Variants in CNTNAP2 observed in about 807,000 individuals in gnomAD.
The protein encoded by CNTNAP2 is contactin associated protein 2.
CNTNAP2 carries 98 observed loss-of-function variants against 155.2 expected under a neutral mutation model. The observed-to-expected ratio is 0.63, with a 90% CI of 0.54 to 0.75. CNTNAP2 has a LOEUF of 0.75. CNTNAP2 is among the 30% of genes least tolerant of loss of function. The pLI is 0.00. For synonymous variants in CNTNAP2, 651 were observed against 631.2 expected, an observed-to-expected ratio of 1.03 and a Z score of -0.47; for missense variants, 1,727 against 1,688.1, an observed-to-expected ratio of 1.02 and a Z score of -0.40.
At chr7:146,317,058 TAG>T (rs1584865873) in intron 1 of CNTNAP2, among the ~76,000 whole-genome samples, 1 of 152,232 alleles carries the variant, frequency 6.6e-6, no homozygotes, top group East Asian at 1.9e-4. Context: ...TGGTACGTCA[TAG>T]AGTTATGAAG....
intron 1 of CNTNAP2, among the ~76,000 whole-genome samples, chr7:146,234,303 T>C (rs1267058887): frequency 6.6e-6 from 1 of 152,226 alleles, no homozygotes; most frequent in Non-Finnish European, 1.5e-5. Context: ...GCCCACTTTT[T>C]GATGGGGTTG....
intron 8 of CNTNAP2, among the ~76,000 whole-genome samples, chr7:147,148,307 G>A (rs528410688): frequency 1.3e-5 from 2 of 148,612 alleles, no homozygotes; most frequent in African/African-American, 2.5e-5. Flanking sequence ...GGAGAATGGC[G>A]TGAACCCGGG....
chr7:146,593,583 A>C (rs372056888), intron 1 of CNTNAP2, among the ~76,000 whole-genome samples: 2 of 152,224 alleles, frequency 1.3e-5, no homozygotes, highest in East Asian at 1.9e-4. Context: ...AACAAAGATC[A>C]GTACTTGGAA....
intron 21 of CNTNAP2, among the ~76,000 whole-genome samples, chr7:148,318,276 G>A (rs961529854): frequency 6.6e-6 from 1 of 152,088 alleles, no homozygotes; most frequent in South Asian, 2.1e-4. Flanking sequence ...GAAGTCACCC[G>A]GCTGTCGCCT....
chr7:148,071,163 T>C (rs1437746727), intron 15 of CNTNAP2, among the ~76,000 whole-genome samples: 1 of 152,148 alleles, frequency 6.6e-6, no homozygotes. Flanking sequence ...CAAGTACAAA[T>C]ATCTTCCTGT....
At chr7:146,545,681 A>G (rs949886103) in intron 1 of CNTNAP2, among the ~76,000 whole-genome samples, 2 of 151,934 alleles carry the variant, frequency 1.3e-5, no homozygotes, top group African/African-American at 4.8e-5. Context: ...TCAGGAAACA[A>G]CAGATGCTGG....
chr7:147,870,912 A>G (rs976504048), intron 13 of CNTNAP2, among the ~76,000 whole-genome samples: 1 of 151,974 alleles, frequency 6.6e-6, no homozygotes, highest in African/African-American at 2.4e-5. Context: ...AGTCCCTCCT[A>G]TCCCTCAGGC....
At chr7:146,451,655 T>C (rs1796481954) in intron 1 of CNTNAP2, among the ~76,000 whole-genome samples, 1 of 152,054 alleles carries the variant, frequency 6.6e-6, no homozygotes. Flanking sequence ...CTTGTTTTTA[T>C]GTCTAGAATG....
chr7:146,721,220 A>G (rs866177446), intron 1 of CNTNAP2, among the ~76,000 whole-genome samples: 2,218 of 127,198 alleles, frequency 0.017, 55 homozygotes, highest in East Asian at 0.068. Context: ...TATATTCTCT[A>G]TATATATTCT....
intron 15 of CNTNAP2, among the ~76,000 whole-genome samples, chr7:148,074,757 A>G (rs1287298417): frequency 6.6e-6 from 1 of 152,128 alleles, no homozygotes; most frequent in African/African-American, 2.4e-5. Flanking sequence ...CTTTTCTCCA[A>G]GTTTTCTTCT....
At chr7:146,312,130 G>T (rs1212994682) in intron 1 of CNTNAP2, among the ~76,000 whole-genome samples, 1 of 152,088 alleles carries the variant, frequency 6.6e-6, no homozygotes, top group Non-Finnish European at 1.5e-5. Flanking sequence ...CCCCTTATTT[G>T]CTGCCTTAAC....
At chr7:146,355,321 G>C (rs1405043056) in intron 1 of CNTNAP2, among the ~76,000 whole-genome samples, 1 of 152,092 alleles carries the variant, frequency 6.6e-6, no homozygotes, top group African/African-American at 2.4e-5. Flanking sequence ...ACCAACAGGG[G>C]GTGTGCTAAT....
intron 3 of CNTNAP2, among the ~76,000 whole-genome samples, chr7:146,930,789 G>C (rs991651150): frequency 1.3e-5 from 2 of 152,076 alleles, no homozygotes; most frequent in African/African-American, 2.4e-5. Flanking sequence ...TGCAATCCTA[G>C]TCTCTGATAA....
At position 146,527,005 on chromosome 7, in the gene CNTNAP2, C is replaced by T. The variant is rs184637745; in HGVS notation, c.98-247266C>T. On this transcript the variant is annotated intron_variant, in intron 1 of 23. Transcript: ENST00000361727. ...CTAGGCTCAGTCAGTTCTCCCGCCT[C>T]GGCCTCCCAAAGTGCTGGGATTACA... 9.9e-5 allele frequency among the ~76,000 whole-genome samples: 15 copies of T among 152,078 alleles called. No individual in the cohort carries two copies. In the East Asian group the frequency reaches 1.2e-3, roughly 12 times the overall value.
chr7:147,067,516 T>C (rs543897835), intron 4 of CNTNAP2, among the ~76,000 whole-genome samples: 93 of 152,228 alleles, frequency 6.1e-4, no homozygotes, highest in Non-Finnish European at 1.0e-3. Context: ...TTTTCATAAT[T>C]CTTTTTTATG....
intron 21 of CNTNAP2, among the ~76,000 whole-genome samples, chr7:148,305,684 C>T (rs912956261): frequency 1.3e-5 from 2 of 152,170 alleles, no homozygotes; most frequent in African/African-American, 4.8e-5. Flanking sequence ...TGGGATCTGC[C>T]ACATACTTTT....
chr7:147,183,870 C>T (rs992024716), intron 8 of CNTNAP2, among the ~76,000 whole-genome samples: 2 of 152,052 alleles, frequency 1.3e-5, no homozygotes, highest in African/African-American at 4.8e-5. Context: ...TGGTACTTGC[C>T]CAGTAAAGTG....
intron 1 of CNTNAP2, among the ~76,000 whole-genome samples, chr7:146,521,908 C>A (rs1281435117): frequency 6.6e-6 from 1 of 151,876 alleles, no homozygotes; most frequent in African/African-American, 2.4e-5. Flanking sequence ...TTTTTCAGTG[C>A]CAGATAATTT....
chr7:147,839,441 G>C (rs1258752244), intron 13 of CNTNAP2, among the ~76,000 whole-genome samples: 2 of 152,168 alleles, frequency 1.3e-5, no homozygotes, highest in African/African-American at 4.8e-5. Flanking sequence ...TCACAGTGAG[G>C]CTGGGTGGCG....
Sources: allele counts gnomAD v4.1 joint callset (sites outside exome capture counted in the v4.1 genomes callset), GRCh38; gene constraint gnomAD v4.1.1; transcripts MANE v1.5; gene names NCBI Gene and HGNC (gene_info 2026-07-23, HGNC 2026-07-21).